Variants in KIAA1549L observed in about 807,000 individuals in gnomAD.
The protein encoded by KIAA1549L is KIAA1549 like.
KIAA1549L carries 88 observed loss-of-function variants against 160.7 expected under a neutral mutation model. That is an observed-to-expected ratio of 0.55 (90% CI 0.46 to 0.65). The LOEUF (loss-of-function observed/expected upper bound fraction) is 0.65. KIAA1549L is among the 30% of genes least tolerant of loss of function. The pLI, the probability that KIAA1549L is intolerant of heterozygous loss-of-function variation, is 0.00. For missense variants in KIAA1549L, 2,258 were observed against 2,437.5 expected, an observed-to-expected ratio of 0.93 and a Z score of 1.55; for synonymous variants, 950 against 976.7, an observed-to-expected ratio of 0.97 and a Z score of 0.51.
intron 1 of KIAA1549L, among the ~76,000 whole-genome samples, chr11:33,504,825 G>T (rs1457704735): frequency 6.6e-6 from 1 of 152,208 alleles, no homozygotes; most frequent in East Asian, 1.9e-4. Context: ...GGAGTGCAGT[G>T]GTGCAATTAT....
chr11:33,380,550 G>T (rs1483960589), intron 1 of KIAA1549L, among the ~76,000 whole-genome samples: 1 of 152,094 alleles, frequency 6.6e-6, no homozygotes, highest in African/African-American at 2.4e-5. Flanking sequence ...TATCAGGTCC[G>T]CTTGATCCAG....
chr11:33,483,029 C>T (rs930300951), intron 1 of KIAA1549L, among the ~76,000 whole-genome samples: 2 of 152,070 alleles, frequency 1.3e-5, no homozygotes, highest in African/African-American at 4.8e-5. Flanking sequence ...CCCATTGTTC[C>T]TTTCTCCCTG....
Position 33,583,214 on chromosome 11 carries a change from A to G in KIAA1549L, c.4403-124A>G, listed in dbSNP as rs1490612691. 4 of 910,798 alleles carry G rather than the reference A, an allele frequency of 4.4e-6. No homozygotes were observed. The Admixed American group carries it at 8.4e-5, about 19-fold the overall frequency. 56.4% of individuals were successfully genotyped at this position (910,798 alleles called of 1,614,324 possible). On this transcript the variant is annotated intron_variant, in intron 10 of 20. Transcript: ENST00000658780. The stretch of plus-strand genomic sequence containing the variant: ...CGGAGGTGGAGGCTTTCTAACCCCA[A>G]ACCCTCTTAACCTCCCACGTCCTTC...
intron 6 of KIAA1549L, among the ~76,000 whole-genome samples, chr11:33,558,731 C>G (rs1330309403): frequency 6.6e-6 from 1 of 152,152 alleles, no homozygotes; most frequent in Admixed American, 6.5e-5. Context: ...GAAAACCGTG[C>G]CATCTCATAG....
chr11:33,435,832 G>GTATATATATATATA lies in KIAA1549L; in HGVS notation c.238+58948_238+58949insATATATATATATAT, dbSNP rs1270906295. 8.9e-5 allele frequency among the ~76,000 whole-genome samples: 3 copies of GTATATATATATATA among 33,596 alleles called. 1 individual carries two copies. The highest frequency in any genetic ancestry group is 1.0e-4 in the Non-Finnish European group (2 of 19,544). 22.0% of individuals were successfully genotyped at this position (33,596 alleles called of 152,430 possible). On this transcript the variant is annotated intron_variant, in intron 1 of 20. Coordinates refer to ENST00000658780, the MANE Select transcript of KIAA1549L (RefSeq NM_012194.3). ...TATATGTGTGTGTATATATATATAT[G>GTATATATATATATA]TATATGTATATGTGTGTGTGTGTGT...
chr11:33,594,917 G>C (rs567538182), intron 12 of KIAA1549L, among the ~76,000 whole-genome samples: 1 of 152,116 alleles, frequency 6.6e-6, no homozygotes, highest in African/African-American at 2.4e-5. Flanking sequence ...TACAACAAAG[G>C]CTTATTAATA....
At chr11:33,592,200 A>G (rs1850075958) in intron 12 of KIAA1549L, among the ~76,000 whole-genome samples, 1 of 152,216 alleles carries the variant, frequency 6.6e-6, no homozygotes, top group African/African-American at 2.4e-5. Context: ...ATGAAACCAG[A>G]AGATAAATTA....
intron 16 of KIAA1549L, among the ~76,000 whole-genome samples, chr11:33,630,046 G>A (rs1427435124): frequency 2.6e-5 from 4 of 152,112 alleles, no homozygotes; most frequent in Non-Finnish European, 2.9e-5. Flanking sequence ...GTACTGGACC[G>A]TGTGAGGTGT....
rs773776648 is a variant in KIAA1549L at position 33,645,775 on chromosome 11, G to A, written c.5499G>A (p.Ser1833=). The change falls in exon 17 of 21, where the codon TCG becomes TCA. Residue 1833 remains serine, a synonymous_variant. Coordinates refer to ENST00000658780, the MANE Select transcript of KIAA1549L (RefSeq NM_012194.3). ...YSRSRQVKGH[S]ETSTLSSQPS... ...GGTCTCGACAGGTGAAAGGCCACTCGGAGACCTCCACACTGAGCTCCCAGC... is the reference window on the plus strand; with the variant it reads ...GGTCTCGACAGGTGAAAGGCCACTCAGAGACCTCCACACTGAGCTCCCAGC... 31 of 1,613,764 alleles carry A rather than the reference G, an allele frequency of 1.9e-5. 1 individual carries two copies. The highest frequency in any genetic ancestry group is 4.5e-5 in the East Asian group (2 of 44,892).
At chr11:33,581,397 T>TTGTGTGTGTGTGTG (rs10579855) in intron 10 of KIAA1549L, among the ~76,000 whole-genome samples, 7 of 149,668 alleles carry the variant, frequency 4.7e-5, no homozygotes, top group African/African-American at 1.7e-4. Context: ...TTCTGACAAA[T>TTGTGTGTGTGTGTG]TGTGTGTGTG....
intron 12 of KIAA1549L, among the ~76,000 whole-genome samples, chr11:33,597,380 A>G (rs761021248): frequency 3.3e-5 from 5 of 152,240 alleles, no homozygotes; most frequent in Non-Finnish European, 5.9e-5. Flanking sequence ...AGAGGGGAGA[A>G]GGGAGGAGGA....
intron 11 of KIAA1549L, among the ~76,000 whole-genome samples, chr11:33,586,020 A>G (rs1365821540): frequency 6.6e-6 from 1 of 152,216 alleles, no homozygotes; most frequent in African/African-American, 2.4e-5. Flanking sequence ...CCTCCTGCTT[A>G]CTGCAGTTCT....
At chr11:33,565,287 A>T (rs983471948) in intron 8 of KIAA1549L, among the ~76,000 whole-genome samples, 1 of 152,156 alleles carries the variant, frequency 6.6e-6, no homozygotes. Flanking sequence ...CATGCCTTGC[A>T]GGTGTTTTCT....
At chr11:33,570,913 T>G (rs1350348619) in intron 9 of KIAA1549L, among the ~76,000 whole-genome samples, 1 of 152,138 alleles carries the variant, frequency 6.6e-6, no homozygotes, top group African/African-American at 2.4e-5. Flanking sequence ...AAGGGCACTT[T>G]CAAACAGAGC....
chr11:33,651,922 C>CCTCT (rs1851907827), intron 17 of KIAA1549L, among the ~76,000 whole-genome samples: 1 of 107,604 alleles, frequency 9.3e-6, no homozygotes, highest in Non-Finnish European at 1.9e-5. Context: ...CCTCCCCCTC[C>CCTCT]CTCCCTCCCT....
intron 1 of KIAA1549L, among the ~76,000 whole-genome samples, chr11:33,522,980 C>T (rs1853532054): frequency 2.0e-5 from 3 of 151,926 alleles, no homozygotes; most frequent in Non-Finnish European, 4.4e-5. Context: ...TATGTTGACT[C>T]ATGTGAGTGC....
At chr11:33,522,029 A>G (rs1853505839) in intron 1 of KIAA1549L, among the ~76,000 whole-genome samples, 1 of 152,218 alleles carries the variant, frequency 6.6e-6, no homozygotes, top group South Asian at 2.1e-4. Flanking sequence ...TTTGTGAAAC[A>G]TCTAAATTAT....
intron 19 of KIAA1549L, among the ~76,000 whole-genome samples, chr11:33,659,905 G>A (rs2133443949): frequency 6.6e-6 from 1 of 152,298 alleles, no homozygotes; most frequent in African/African-American, 2.4e-5. Context: ...CATGGCAGGT[G>A]GAGGTCTGCT....
intron 1 of KIAA1549L, among the ~76,000 whole-genome samples, chr11:33,511,082 A>C (rs2133105961): frequency 6.6e-6 from 1 of 152,366 alleles, no homozygotes; most frequent in Non-Finnish European, 1.5e-5. Flanking sequence ...TACAGCTAGA[A>C]TGTGGGCTAG....
Sources: allele counts gnomAD v4.1 joint callset (sites outside exome capture counted in the v4.1 genomes callset), GRCh38; gene constraint gnomAD v4.1.1; transcripts MANE v1.5; gene names NCBI Gene and HGNC (gene_info 2026-07-23, HGNC 2026-07-21).